Variants in LPCAT2 observed in about 807,000 individuals in gnomAD.
LPCAT2 encodes lysophosphatidylcholine acyltransferase 2, also known as 1-AGP acyltransferase 11.
In LPCAT2, 58 loss-of-function variants were observed where a neutral mutation model predicts 64.7. The ratio of observed to expected loss-of-function variants is 0.90; its 90% confidence interval spans 0.73 to 1.12. The LOEUF (loss-of-function observed/expected upper bound fraction) is 1.12, where lower values mean the gene tolerates loss of function less well. Among genes scored for constraint, LPCAT2 ranks in the 50% most tolerant of loss-of-function variants. LPCAT2 has a pLI of 0.00. For synonymous variants in LPCAT2, 252 were observed against 245.3 expected (o/e 1.03, Z -0.26); for missense variants, 579 against 669.8 (o/e 0.86, Z 1.50).
At chr16:55,533,215 T>C (rs750338847) in intron 6 of LPCAT2, among the ~76,000 whole-genome samples, 2 of 152,078 alleles carry the variant, frequency 1.3e-5, no homozygotes, top group African/African-American at 2.4e-5. Context: ...TCATTAACTC[T>C]AGAAAGAAAT....
chr16:55,550,698 G>A (rs1374617712), intron 10 of LPCAT2, among the ~76,000 whole-genome samples: 1 of 152,102 alleles, frequency 6.6e-6, no homozygotes, highest in Non-Finnish European at 1.5e-5. Flanking sequence ...GGCGGATCAC[G>A]AGGTCAATAG....
chr16:55,563,537 C>T (rs867031809), intron 11 of LPCAT2, among the ~76,000 whole-genome samples: 1 of 151,840 alleles, frequency 6.6e-6, no homozygotes, highest in African/African-American at 2.4e-5. Context: ...TCCTGGAATG[C>T]AAGATGGTTC....
At chr16:55,512,285 TCAATGTAGA>T (rs1962943693) in intron 1 of LPCAT2, among the ~76,000 whole-genome samples, 1 of 152,196 alleles carries the variant, frequency 6.6e-6, no homozygotes, top group African/African-American at 2.4e-5. Flanking sequence ...GTGGAGTAGC[TCAATGTAGA>T]CAATGTAGAC....
At chr16:55,560,160 C>T (rs756703217) in intron 11 of LPCAT2, among the ~76,000 whole-genome samples, 1 of 151,948 alleles carries the variant, frequency 6.6e-6, no homozygotes, top group Non-Finnish European at 1.5e-5. Context: ...TGTGTCAGAC[C>T]AATTTAAATT....
chr16:55,535,152 G>C lies in LPCAT2; in HGVS notation c.797+675G>C, dbSNP rs143181782. On this transcript the variant is annotated intron_variant, in intron 7 of 13. Transcript: ENST00000262134. ...GCCTGTTTAAATTTTGGTGAGAGCC[G>C]TATGAAATACCTGAATTTGAAGACT... is the stretch of plus-strand genomic sequence containing the variant. Among the ~76,000 whole-genome samples the C allele has an allele frequency of 2.2e-3, 330 of 152,234 alleles. 4 individuals carry two copies. The highest frequency in any genetic ancestry group is 7.7e-3 in the African/African-American group (318 of 41,542).
rs757343124 is a variant in LPCAT2 at position 55,567,313 on chromosome 16, A to G, written c.1216-7318A>G. On this transcript the variant is annotated intron_variant, in intron 11 of 13. Coordinates refer to ENST00000262134, the MANE Select transcript of LPCAT2 (RefSeq NM_017839.5). Reference sequence around the variant, plus strand: ...CTGCAGGCCGCAGGCTTCCAGCTAAATGAACAACTTTACCAAATGATTGTC... The same window carrying G: ...CTGCAGGCCGCAGGCTTCCAGCTAAGTGAACAACTTTACCAAATGATTGTC... 3.1e-6 allele frequency: 5 copies of G among 1,613,662 alleles called. No individual in the cohort carries two copies. The East Asian group carries it at 8.9e-5, about 29-fold the overall frequency.
At chr16:55,540,017 C>T (rs917090598) in intron 8 of LPCAT2, 1 of 152,032 alleles carries the variant, frequency 6.6e-6, no homozygotes, top group African/African-American at 2.4e-5. Flanking sequence ...ATGTTGGCTG[C>T]CATATCCTTT....
chr16:55,550,626 T>C (rs1358267548), intron 10 of LPCAT2, among the ~76,000 whole-genome samples: 6 of 152,182 alleles, frequency 3.9e-5, no homozygotes, highest in Non-Finnish European at 8.8e-5. Flanking sequence ...TTTAAAAGAT[T>C]AAATGCGGGC....
At chr16:55,570,141 A>G (rs1447641283) in intron 11 of LPCAT2, among the ~76,000 whole-genome samples, 3 of 152,212 alleles carry the variant, frequency 2.0e-5, no homozygotes, top group African/African-American at 4.8e-5. Context: ...CTTTATCTTG[A>G]TATAATCCAC....
intron 11 of LPCAT2, among the ~76,000 whole-genome samples, chr16:55,570,580 A>G (rs1430588960): frequency 6.6e-6 from 1 of 152,106 alleles, no homozygotes; most frequent in Non-Finnish European, 1.5e-5. Flanking sequence ...CCTGAGTGAC[A>G]TAGGGAGACC....
At chr16:55,545,867 G>T in intron 9 of LPCAT2, 50 bp downstream of exon 9, 2 of 1,410,280 alleles carry the variant, frequency 1.4e-6, no homozygotes, top group East Asian at 4.6e-5. Context: ...AAAATTATTT[G>T]TGCATGTCGT....
intron 11 of LPCAT2, among the ~76,000 whole-genome samples, chr16:55,570,548 C>T (rs149366385): frequency 4.7e-4 from 71 of 152,176 alleles, no homozygotes; most frequent in African/African-American, 1.7e-3. Flanking sequence ...GGCGGAGGAT[C>T]GCTTGAGCCC....
intron 9 of LPCAT2, among the ~76,000 whole-genome samples, chr16:55,546,874 C>T (rs1175400486): frequency 1.3e-5 from 2 of 151,952 alleles, no homozygotes; most frequent in African/African-American, 2.4e-5. Flanking sequence ...CTGGGCTGGG[C>T]GCGGTGACTC....
chr16:55,525,420 A>G (rs1217100354), intron 1 of LPCAT2, 88 bp from the exon 2 acceptor site: 7 of 1,252,604 alleles, frequency 5.6e-6, no homozygotes, highest in African/African-American at 1.5e-5. Flanking sequence ...CATGAACACC[A>G]TAAAACTTTC....
chr16:55,518,614 G>A (rs1401039698), intron 1 of LPCAT2, among the ~76,000 whole-genome samples: 1 of 152,204 alleles, frequency 6.6e-6, no homozygotes, highest in African/African-American at 2.4e-5. Context: ...TGACAATACA[G>A]AAGTAAATTC....
intron 13 of LPCAT2, among the ~76,000 whole-genome samples, chr16:55,582,685 C>A (rs552531552): frequency 1.3e-5 from 2 of 151,758 alleles, no homozygotes; most frequent in Non-Finnish European, 2.9e-5. Context: ...AGGATATATA[C>A]CTCAGAGTAG....
At chr16:55,553,861 A>G (rs1189086576) in intron 11 of LPCAT2, among the ~76,000 whole-genome samples, 2 of 152,186 alleles carry the variant, frequency 1.3e-5, no homozygotes, top group African/African-American at 4.8e-5. Flanking sequence ...TCCTTGATCT[A>G]TGGGTGGCAG....
intron 4 of LPCAT2, among the ~76,000 whole-genome samples, chr16:55,531,147 T>G (rs1269636888): frequency 1.3e-5 from 2 of 152,208 alleles, no homozygotes; most frequent in African/African-American, 4.8e-5. Context: ...AATAACCTGT[T>G]ATTGTGGCAA....
intron 11 of LPCAT2, among the ~76,000 whole-genome samples, chr16:55,557,611 C>T (rs2142404975): frequency 6.6e-6 from 1 of 152,244 alleles, no homozygotes. Flanking sequence ...CTAGAAATTC[C>T]TGTAGTGGAA....
Sources: gnomAD v4.1 joint callset for allele counts (sites outside exome capture counted in the v4.1 genomes callset) on GRCh38, gnomAD v4.1.1 for gene constraint, MANE v1.5 for transcripts, NCBI Gene and HGNC (gene_info 2026-07-23, HGNC 2026-07-21) for gene names.